Variants in IQCK observed in about 807,000 individuals in gnomAD.
The protein encoded by IQCK is IQ motif containing K, also known as IQ domain-containing protein K.
Under a neutral mutation model 28.1 loss-of-function variants are expected in IQCK, and 29 were observed. The ratio of observed to expected loss-of-function variants is 1.03; its 90% CI spans 0.77 to 1.41. The LOEUF is 1.41. Ranked by LOEUF, IQCK falls within the 40% of genes most tolerant of loss-of-function variation. IQCK has a pLI of 0.00. For synonymous variants in IQCK, 113 were observed against 115.1 expected, an observed-to-expected ratio of 0.98 and a Z score of 0.12; for missense variants, 359 against 314.7, an observed-to-expected ratio of 1.14 and a Z score of -1.07.
At chr16:19,748,072 CTTTTT>C (rs61573221) in intron 4 of IQCK, among the ~76,000 whole-genome samples, 2 of 117,208 alleles carry the variant, frequency 1.7e-5, no homozygotes, top group Non-Finnish European at 1.7e-5. Flanking sequence ...GGCTCAAATT[CTTTTT>C]TTTTTTTTTT....
chr16:19,799,582 TTA>T (rs1160831482), intron 7 of IQCK, among the ~76,000 whole-genome samples: 4,628 of 116,610 alleles, frequency 0.04, 263 homozygotes, highest in East Asian at 0.25. Context: ...ATATTTTATT[TTA>T]TATATATATA....
intron 9 of IQCK, among the ~76,000 whole-genome samples, chr16:19,844,605 A>G (rs1257987246): frequency 6.6e-6 from 1 of 152,162 alleles, no homozygotes; most frequent in African/African-American, 2.4e-5. Flanking sequence ...TTGTAGATAA[A>G]TGTATTTCTC....
At chr16:19,817,453 G>A (rs1030876620) in intron 7 of IQCK, among the ~76,000 whole-genome samples, 1 of 152,084 alleles carries the variant, frequency 6.6e-6, no homozygotes, top group African/African-American at 2.4e-5. Context: ...CAAGGCTGCT[G>A]TATTCTCTAT....
chr16:19,804,677 C>T (rs981289729), intron 7 of IQCK, among the ~76,000 whole-genome samples: 3 of 152,072 alleles, frequency 2.0e-5, no homozygotes, highest in Admixed American at 2.0e-4. Flanking sequence ...CGATCCACTC[C>T]CTCCGCCTCC....
chr16:19,764,277 A>T, intron 6 of IQCK, 165 bp downstream of exon 6: 1 of 570,752 alleles, frequency 1.8e-6, no homozygotes. Context: ...GGCTAACCTT[A>T]TCCTAATCAG....
chr16:19,730,582 A>T, intron 2 of IQCK, 88 bp downstream of exon 2: 2 of 1,037,178 alleles, frequency 1.9e-6, no homozygotes, highest in Non-Finnish European at 2.7e-6. Flanking sequence ...AGTGTCACTG[A>T]GTTCAGGAGG....
chr16:19,786,815 A>G (rs1331597583), intron 6 of IQCK, among the ~76,000 whole-genome samples: 4 of 71,248 alleles, frequency 5.6e-5, no homozygotes, highest in Admixed American at 4.1e-4. Flanking sequence ...GAGAGAGAGA[A>G]GGGAGGGAGG....
chr16:19,754,437 C>T (rs1436948483), intron 4 of IQCK, among the ~76,000 whole-genome samples: 4 of 152,178 alleles, frequency 2.6e-5, no homozygotes, highest in Non-Finnish European at 5.9e-5. Flanking sequence ...GCCTCTTCTC[C>T]TATCTTACTC....
At chr16:19,821,793 G>T (rs796621122) in intron 7 of IQCK, among the ~76,000 whole-genome samples, 6 of 152,292 alleles carry the variant, frequency 3.9e-5, no homozygotes, top group African/African-American at 1.2e-4. Context: ...TCCATTAAGT[G>T]CTGGGCTCGG....
At chr16:19,735,561 G>T in intron 4 of IQCK, 111 bp downstream of exon 4, 1 of 867,604 alleles carries the variant, frequency 1.2e-6, no homozygotes, top group Non-Finnish European at 1.9e-6. Context: ...TGACCCCTTC[G>T]GGAGGGAAAG....
At chr16:19,847,871 T>C (rs1406326719) in intron 9 of IQCK, among the ~76,000 whole-genome samples, 1 of 152,206 alleles carries the variant, frequency 6.6e-6, no homozygotes, top group Non-Finnish European at 1.5e-5. Flanking sequence ...GGTGCAATCA[T>C]AGCTCACTGC....
intron 9 of IQCK, among the ~76,000 whole-genome samples, chr16:19,849,600 A>G (rs2056455291): frequency 6.6e-6 from 1 of 151,930 alleles, no homozygotes; most frequent in South Asian, 2.1e-4. Context: ...CATCTCTACA[A>G]AAAGTAAAAA....
At chr16:19,745,135 A>G (rs990882921) in intron 4 of IQCK, among the ~76,000 whole-genome samples, 1 of 152,220 alleles carries the variant, frequency 6.6e-6, no homozygotes, top group African/African-American at 2.4e-5. Flanking sequence ...ATCAGGAAAA[A>G]TAAAAGTTAA....
exon 10 of IQCK, chr16:19,858,389 G>A: frequency 2.0e-6 from 1 of 497,216 alleles, no homozygotes; most frequent in South Asian, 3.5e-5. Flanking sequence ...CTTATGCTGG[G>A]GAAGCACGAC....
intron 7 of IQCK, among the ~76,000 whole-genome samples, chr16:19,812,784 G>C (rs1473663108): frequency 6.6e-6 from 1 of 152,146 alleles, no homozygotes; most frequent in African/African-American, 2.4e-5. Flanking sequence ...ATAAAGATTT[G>C]CTAGAAAAAA....
chr16:19,757,536 T>C (rs1044774950), intron 4 of IQCK, among the ~76,000 whole-genome samples: 2 of 152,088 alleles, frequency 1.3e-5, no homozygotes, highest in South Asian at 4.1e-4. Flanking sequence ...AGCCAGGCCA[T>C]GGTAATTCTA....
chr16:19,778,379 A>T (rs2055426352), intron 6 of IQCK, among the ~76,000 whole-genome samples: 1 of 151,838 alleles, frequency 6.6e-6, no homozygotes, highest in South Asian at 2.1e-4. Context: ...TGTCAGAGTT[A>T]AATTAAATTG....
rs577160224 is a variant in IQCK at position 19,822,107 on chromosome 16, G to A, written c.691-4919G>A. On this transcript the variant is annotated intron_variant, in intron 7 of 7. Coordinates refer to ENST00000564186, the Ensembl canonical transcript of IQCK. ...AACAAAAAAAAAAACAAAAAAAAAC[G>A]GCCAAGTGAGGTGGCTCACGCAGTA... is the stretch of plus-strand genomic sequence containing the variant. Among the ~76,000 whole-genome samples the A allele has an allele frequency of 2.0e-4, 29 of 146,454 alleles. 1 individual carries two copies. In the East Asian group the frequency reaches 2.8e-3, roughly 14 times the overall value.
At chr16:19,822,934 G>C (rs1414697203) in intron 7 of IQCK, among the ~76,000 whole-genome samples, 3 of 151,960 alleles carry the variant, frequency 2.0e-5, no homozygotes, top group Admixed American at 2.0e-4. Flanking sequence ...GGACAACAAG[G>C]CTCTTTGATG....
Sources: gnomAD v4.1 joint callset for allele counts (sites outside exome capture counted in the v4.1 genomes callset) on GRCh38, gnomAD v4.1.1 for gene constraint, MANE v1.5 for transcripts, NCBI Gene and HGNC (gene_info 2026-07-23, HGNC 2026-07-21) for gene names.